Variants in PCARE observed in about 807,000 individuals in gnomAD.
PCARE encodes the protein uncharacterized protein C2orf71.
In PCARE, 72 loss-of-function variants were observed where a neutral mutation model predicts 82.2. The ratio of observed to expected loss-of-function variants is 0.88; its 90% CI spans 0.72 to 1.07. PCARE has a LOEUF of 1.07. PCARE is among the 50% of genes least tolerant of loss of function. The pLI, the probability that PCARE is intolerant of heterozygous loss-of-function variation, is 0.00. For missense variants in PCARE, 1,768 were observed against 1,592.4 expected, an observed-to-expected ratio of 1.11 and a Z score of -1.88; for synonymous variants, 705 against 634.8, an observed-to-expected ratio of 1.11 and a Z score of -1.66.
chr2:29,069,912 C>T (rs1016206070), intron 1 of PCARE, among the ~76,000 whole-genome samples: 2 of 152,046 alleles, frequency 1.3e-5, no homozygotes, highest in Non-Finnish European at 2.9e-5. Flanking sequence ...AGCTTGAGAA[C>T]CTCCCAACTA....
rs780255680 is a variant in PCARE at position 29,071,154 on chromosome 2, G to GT, written c.3107_3108insA (p.Arg1037GlnfsTer70). On this transcript the variant is annotated frameshift_variant, in exon 1 of 2. Coordinates refer to ENST00000331664, the MANE Select transcript of PCARE (RefSeq NM_001029883.3). LOFTEE classifies it high-confidence loss of function. ...TTGTGGTGGGTGGGCTTAGCACCCT[G>GT]GGGCTCACAGGTGGGCTGGGGGGCG... 1 of 1,580,650 alleles carries GT rather than the reference G, an allele frequency of 6.3e-7. No individual in the cohort carries two copies. The highest frequency in any genetic ancestry group is 1.2e-5 in the South Asian group (1 of 84,304).
chr2:29,073,111 G>A lies in PCARE; in HGVS notation c.1151C>T (p.Thr384Ile), dbSNP rs766768157. Residue 384 changes from threonine (T) to isoleucine (I), a missense_variant, in exon 1 of 2, where the codon ACT becomes ATT. Coordinates refer to ENST00000331664, the MANE Select transcript of PCARE (RefSeq NM_001029883.3). ...CTGCCTGGCCTCTGTGTGGGGTGAA[G>A]TCACCGACTTCCATTCTTCGGGCTC... ...APEPEEWKSV[T>I]SPHTEARQSG... 1 of 1,614,186 alleles carries A rather than the reference G, an allele frequency of 6.2e-7. No homozygotes were observed. Among genetic ancestry groups the A allele is most frequent in the South Asian group, 1.1e-5 (1 of 91,084 alleles).
chr2:29,065,867 C>T (rs1421178398), intron 1 of PCARE, among the ~76,000 whole-genome samples: 1 of 152,186 alleles, frequency 6.6e-6, no homozygotes, highest in East Asian at 1.9e-4. Context: ...AAGTAATAGG[C>T]CGGGCGTGCT....
intron 1 of PCARE, among the ~76,000 whole-genome samples, chr2:29,066,597 C>T (rs1168800719): frequency 4.6e-5 from 7 of 152,222 alleles, no homozygotes; most frequent in South Asian, 2.1e-4. Flanking sequence ...TGAACAAGAT[C>T]GAGGTGGGTG....
In PCARE at chr2:29,071,911, G is replaced by A; in HGVS notation, c.2351C>T (p.Ser784Phe). ...GAGAGATTCTCTGCCTGATGCTGGA[G>A]AAATTTGGGGCTTCGGATACAAAGG... The part of the protein sequence containing the change: ...LAPLYPKPQI[S>F]PASGRESLKM... The change falls in exon 1 of 2, where the codon TCT becomes TTT. Residue 784 changes from serine (S) to phenylalanine (F), a missense_variant. Transcript: ENST00000331664. 5 of 1,614,240 alleles carry A rather than the reference G, an allele frequency of 3.1e-6. No homozygotes were observed. The highest frequency in any genetic ancestry group is 4.2e-6 in the Non-Finnish European group (5 of 1,180,044).
Position 29,072,536 on chromosome 2 carries a change from G to T in PCARE, c.1726C>A (p.Pro576Thr), listed in dbSNP as rs1276904505. The T allele has an allele frequency of 1.9e-6, 3 of 1,614,128 alleles. No individual in the cohort carries two copies. Among genetic ancestry groups the T allele is most frequent in the Non-Finnish European group, 2.5e-6 (3 of 1,179,994 alleles). The change falls in exon 1 of 2, where the codon CCA (proline) becomes ACA (threonine). Residue 576 changes from proline to threonine, a missense_variant. Pro to Thr is a conservative substitution (Grantham distance 38). Transcript: ENST00000331664. ...EEEEGRTVVPPRPSTVSGSRR... is the reference protein window; with the variant it reads ...EEEEGRTVVPTRPSTVSGSRR... The stretch of plus-strand genomic sequence containing the variant: ...CTGCCACTTACCGTGCTAGGTCTTG[G>T]GGGGACCACTGTCCTCCCCTCCTCC...
Position 29,070,927 on chromosome 2 carries a change from A to G in PCARE, c.3335T>C (p.Ile1112Thr). 1.9e-6 allele frequency: 3 copies of G among 1,612,552 alleles called. No homozygotes were observed. The highest frequency in any genetic ancestry group is 1.1e-5 in the South Asian group (1 of 91,048). ...ATGTGTGTTCCCAGACACTTTGGCTATGACTGCTTGGCTGTCTTCAGAGTC... is the reference window on the plus strand; with the variant it reads ...ATGTGTGTTCCCAGACACTTTGGCTGTGACTGCTTGGCTGTCTTCAGAGTC... ...TRDSEDSQAV[I>T]AKVSGNTHSI... Residue 1112 changes from isoleucine (I) to threonine (T), a missense_variant, in exon 1 of 2, where the codon ATA becomes ACA. By Grantham distance (89) the Ile-to-Thr change is moderately conservative. Transcript: ENST00000331664.
In PCARE at chr2:29,072,328, C is replaced by A; in HGVS notation, c.1934G>T (p.Arg645Ile). The A allele has an allele frequency of 6.2e-7, 1 of 1,614,140 alleles. No individual in the cohort carries two copies. The change falls in exon 1 of 2, where the codon AGA (arginine) becomes ATA (isoleucine). Residue 645 changes from arginine to isoleucine, a missense_variant. Physicochemically the swap from Arg to Ile is moderately conservative, Grantham distance 97 (BLOSUM62 -3). Transcript: ENST00000331664. ...GCCATTGGGCCACACGGCGGCTGCTCTGGGCTGCAGAATTTGCTCCTGGCT... is the reference window on the plus strand; with the variant it reads ...GCCATTGGGCCACACGGCGGCTGCTATGGGCTGCAGAATTTGCTCCTGGCT... ...GQSQEQILQP[R>I]AAAVWPNGTC...
Position 29,072,334 on chromosome 2 carries a change from T to G in PCARE, c.1928A>C (p.Gln643Pro). ...GQGQSQEQIL[Q>P]PRAAAVWPNG... ...GGGCCACACGGCGGCTGCTCTGGGC[T>G]GCAGAATTTGCTCCTGGCTCTGCCC... The change falls in exon 1 of 2, where the codon CAG becomes CCG. Residue 643 changes from glutamine to proline, a missense_variant. Transcript: ENST00000331664. 2.5e-6 allele frequency: 4 copies of G among 1,614,162 alleles called. No homozygotes were observed. Among genetic ancestry groups the G allele is most frequent in the Non-Finnish European group, 3.4e-6 (4 of 1,180,036 alleles).
In PCARE at chr2:29,073,648, A is replaced by G. The variant is rs759923248; in HGVS notation, c.614T>C (p.Ile205Thr). ...CTCCCGGGTCTGGGTGGCCTGATGGATGATGCACAGAATTGCTTCATATTT... is the reference window on the plus strand; with the variant it reads ...CTCCCGGGTCTGGGTGGCCTGATGGGTGATGCACAGAATTGCTTCATATTT... ...LSKYEAILCI[I>T]HQATQTRELL... is the part of the protein sequence containing the mutation. Residue 205 changes from isoleucine to threonine, a missense_variant, in exon 1 of 2, where the codon ATC (isoleucine) becomes ACC (threonine). Transcript: ENST00000331664. The G allele has an allele frequency of 6.2e-7, 1 of 1,614,150 alleles. No individual in the cohort carries two copies. Among genetic ancestry groups the G allele is most frequent in the Non-Finnish European group, 8.5e-7 (1 of 1,180,020 alleles).
rs372458458 is a variant in PCARE at position 29,074,319 on chromosome 2, G to A, written c.-58C>T. 110 of 1,505,438 alleles carry A rather than the reference G, an allele frequency of 7.3e-5. No homozygotes were observed. The South Asian group carries it at 1.4e-3, about 20-fold the overall frequency. The allele number at this position is 1,505,438 out of a possible 1,614,324, so 93.3% of individuals were successfully genotyped here. On this transcript the variant is annotated 5_prime_UTR_variant, in exon 1 of 2. Coordinates refer to ENST00000331664, the MANE Select transcript of PCARE (RefSeq NM_001029883.3). ...TCACAATTTTCCAAGAATCATATTTGAAATAGGAACAAAAGGCAATCTTAC... is the reference window on the plus strand; with the variant it reads ...TCACAATTTTCCAAGAATCATATTTAAAATAGGAACAAAAGGCAATCTTAC...
In PCARE at chr2:29,071,424, C is replaced by T. The variant is rs925746901; in HGVS notation, c.2838G>A (p.Lys946=). The T allele has an allele frequency of 4.3e-6, 7 of 1,613,272 alleles. No individual in the cohort carries two copies. The highest frequency in any genetic ancestry group is 5.9e-6 in the Non-Finnish European group (7 of 1,179,952). The part of the protein sequence containing the change: ...VKGGTWSQAE[K]ATSLYRQPRK... ...GGGGCTGCCTGTAGAGGCTGGTGGCCTTCTCTGCCTGACTCCAAGTCCCAC... is the reference window on the plus strand; with the variant it reads ...GGGGCTGCCTGTAGAGGCTGGTGGCTTTCTCTGCCTGACTCCAAGTCCCAC... Residue 946 remains lysine (K), a synonymous_variant, in exon 1 of 2, where the codon AAG becomes AAA. Transcript: ENST00000331664.
At chr2:29,066,206 T>C (rs1181053222) in intron 1 of PCARE, among the ~76,000 whole-genome samples, 1 of 152,112 alleles carries the variant, frequency 6.6e-6, no homozygotes, top group Non-Finnish European at 1.5e-5. Context: ...CATCAGGCAC[T>C]CATAGGTATC....
chr2:29,072,806 C>A lies in PCARE; in HGVS notation c.1456G>T (p.Asp486Tyr). ...TCCTCCTCCTCCTCTGGGCTGCTGT[C>A]CTCGCTGTCACTAAGAGATGAAGCG... ...MDASSLSDSEDSSPEEEEEDK... is the reference protein window; with the variant it reads ...MDASSLSDSEYSSPEEEEEDK... The change falls in exon 1 of 2, where the codon GAC becomes TAC. Residue 486 changes from aspartate (D) to tyrosine (Y), a missense_variant. Physicochemically the swap from Asp to Tyr is radical, Grantham distance 160 (BLOSUM62 -3). Coordinates refer to ENST00000331664, the MANE Select transcript of PCARE (RefSeq NM_001029883.3). The A allele has an allele frequency of 6.2e-7, 1 of 1,614,152 alleles. No homozygotes were observed. Among genetic ancestry groups the A allele is most frequent in the South Asian group, 1.1e-5 (1 of 91,074 alleles).
At position 29,072,374 on chromosome 2, in the gene PCARE, C is replaced by T. The variant is rs1316708274; in HGVS notation, c.1888G>A (p.Gly630Ser). The change falls in exon 1 of 2, where the codon GGT (glycine) becomes AGT (serine). Residue 630 changes from glycine to serine, a missense_variant. Physicochemically the swap from Gly to Ser is moderately conservative, Grantham distance 56 (BLOSUM62 0). Coordinates refer to ENST00000331664, the MANE Select transcript of PCARE (RefSeq NM_001029883.3). ...TGGCTCTGCCCCTGCCCTTTGGCAC[C>T]CAGGGCATAAAATGCCTCCAGCTTC... ...SQKLEAFYALGAKGQGQSQEQ... is the reference protein window; with the variant it reads ...SQKLEAFYALSAKGQGQSQEQ... The T allele has an allele frequency of 1.2e-6, 2 of 1,614,014 alleles. No individual in the cohort carries two copies. Among genetic ancestry groups the T allele is most frequent in the Admixed American group, 1.7e-5 (1 of 60,010 alleles).
rs1343776257 is a variant in PCARE, at chr2:29,072,883, C to G, written c.1379G>C (p.Gly460Ala). ...GTGTGGTTCCACAGAGACCCCAATC[C>G]CAAAGGAATCACATGGGGTGCTTGT... ...LGTSTPCDSF[G>A]IGVSVEPHLS... The change falls in exon 1 of 2, where the codon GGG (glycine) becomes GCG (alanine). Residue 460 changes from glycine to alanine, a missense_variant. Transcript: ENST00000331664. 2 of 1,614,024 alleles carry G rather than the reference C, an allele frequency of 1.2e-6. No individual in the cohort carries two copies. The highest frequency in any genetic ancestry group is 1.3e-5 in the African/African-American group (1 of 74,898).
rs1667551141 is a variant in PCARE at position 29,074,325 on chromosome 2, G to A, written c.-64C>T. The A allele has an allele frequency of 6.7e-7, 1 of 1,495,322 alleles. No homozygotes were observed. The highest frequency in any genetic ancestry group is 1.4e-5 in the African/African-American group (1 of 71,370). The allele number at this position is 1,495,322 out of a possible 1,614,324, so 92.6% of individuals were successfully genotyped here. A position where few individuals can be genotyped will look rare whatever the true frequency, so the allele number is the denominator to read the frequency against. On this transcript the variant is annotated 5_prime_UTR_variant, in exon 1 of 2. Coordinates refer to ENST00000331664, the MANE Select transcript of PCARE (RefSeq NM_001029883.3). ...TTTTCCAAGAATCATATTTGAAATA[G>A]GAACAAAAGGCAATCTTACTAGTCC...
At position 29,065,043 on chromosome 2, in the gene PCARE, C is replaced by T; in HGVS notation, c.3693G>A (p.Lys1231=). ...AGGGGCTGCTCCCCGGCTCTGTGTCCTTCTTAGGGCTCTCCTCGCTGCTGC... is the reference window on the plus strand; with the variant it reads ...AGGGGCTGCTCCCCGGCTCTGTGTCTTTCTTAGGGCTCTCCTCGCTGCTGC... ...QNSSSEESPK[K]DTEPGSSPCS... Residue 1231 remains lysine, a synonymous_variant, in exon 2 of 2, where the codon AAG becomes AAA. Coordinates refer to ENST00000331664, the MANE Select transcript of PCARE (RefSeq NM_001029883.3). 1 of 1,547,882 alleles carries T rather than the reference C, an allele frequency of 6.5e-7. No homozygotes were observed. The highest frequency in any genetic ancestry group is 1.2e-5 in the South Asian group (1 of 84,096).
In PCARE at chr2:29,073,852, C is replaced by T; in HGVS notation, c.410G>A (p.Ser137Asn). ...CCATTTGGAAGTATCTTGGGTACTACTTTCCTCACTCTCATCTCCAGAAAA... is the reference window on the plus strand; with the variant it reads ...CCATTTGGAAGTATCTTGGGTACTATTTTCCTCACTCTCATCTCCAGAAAA... ...ADFSGDESEE[S>N]STQDTSKWKR... The change falls in exon 1 of 2, where the codon AGT (serine) becomes AAT (asparagine). Residue 137 changes from serine to asparagine, a missense_variant. Ser to Asn is a conservative substitution (Grantham distance 46). Transcript: ENST00000331664. 1 of 1,614,232 alleles carries T rather than the reference C, an allele frequency of 6.2e-7. No individual in the cohort carries two copies.
Sources: allele counts gnomAD v4.1 joint callset (sites outside exome capture counted in the v4.1 genomes callset), GRCh38; gene constraint gnomAD v4.1.1; transcripts MANE v1.5; gene names NCBI Gene and HGNC (gene_info 2026-07-23, HGNC 2026-07-21).